Variants in INSIG2 observed in about 807,000 individuals in gnomAD.
The protein encoded by INSIG2 is insulin induced gene 2.
In INSIG2, 10 loss-of-function variants were observed where a neutral mutation model predicts 27.2. The observed-to-expected ratio is 0.37, with a 90% CI of 0.23 to 0.62. INSIG2 has a LOEUF of 0.62. Among genes scored for constraint, INSIG2 ranks in the 20% least tolerant of loss-of-function variants. INSIG2 has a pLI of 0.65. For missense variants in INSIG2, 178 were observed against 270.2 expected, an observed-to-expected ratio of 0.66 and a Z score of 2.39; for synonymous variants, 97 against 95.8, an observed-to-expected ratio of 1.01 and a Z score of -0.07.
At position 118,103,302 on chromosome 2, in the gene INSIG2, G is replaced by T; in HGVS notation, c.350G>T (p.Gly117Val). The T allele has an allele frequency of 6.2e-7, 1 of 1,612,906 alleles. No individual in the cohort carries two copies. Among genetic ancestry groups the T allele is most frequent in the South Asian group, 1.1e-5 (1 of 90,970 alleles). Reference protein sequence around the residue: ...SVMRCVAVFVGINHASAKVDF... With the variant: ...SVMRCVAVFVVINHASAKVDF... Reference sequence around the variant, plus strand: ...ATGCGGTGTGTAGCAGTCTTTGTTGGTATAAATCATGCCAGTGCTGTATCC... The same window carrying T: ...ATGCGGTGTGTAGCAGTCTTTGTTGTTATAAATCATGCCAGTGCTGTATCC... The change falls in exon 3 of 6, where the codon GGT (glycine) becomes GTT (valine). Residue 117 changes from glycine (G) to valine (V), a missense_variant. Transcript: ENST00000245787.
rs1359383421 is a variant in INSIG2, at chr2:118,109,205, A to G, written c.*883A>G. 6.6e-6 allele frequency: 1 copy of G among 152,220 alleles called. No homozygotes were observed. Among genetic ancestry groups the G allele is most frequent in the Non-Finnish European group, 1.5e-5 (1 of 68,036 alleles). 9.4% of individuals were successfully genotyped at this position (152,220 alleles called of 1,614,324 possible). On this transcript the variant is annotated 3_prime_UTR_variant, in exon 6 of 6. Transcript: ENST00000245787. Reference sequence around the variant, plus strand: ...ATCTCATTGCTTTTGCACATGGAGCATATAGGAAACTCCAAACAGATCACA... The same window carrying G: ...ATCTCATTGCTTTTGCACATGGAGCGTATAGGAAACTCCAAACAGATCACA...
chr2:118,105,833 G>C (rs997484489), intron 3 of INSIG2, among the ~76,000 whole-genome samples: 6 of 152,166 alleles, frequency 3.9e-5, no homozygotes, highest in Admixed American at 6.5e-5. Flanking sequence ...GCCTTCCCCA[G>C]TAGCTGGTTA....
chr2:118,108,599 A>G lies in INSIG2; in HGVS notation c.*277A>G, dbSNP rs1370904164. ...ATTAAAAAGTGTTGATTAATAGATGAAATTTTTAAATTAATTTTTTAAAAC... is the reference window on the plus strand; with the variant it reads ...ATTAAAAAGTGTTGATTAATAGATGGAATTTTTAAATTAATTTTTTAAAAC... On this transcript the variant is annotated 3_prime_UTR_variant, in exon 6 of 6. Coordinates refer to ENST00000245787, the MANE Select transcript of INSIG2 (RefSeq NM_016133.4). 2.0e-5 allele frequency: 5 copies of G among 251,686 alleles called. No individual in the cohort carries two copies. The highest frequency in any genetic ancestry group is 5.6e-5 in the Admixed American group (1 of 17,754). 15.6% of individuals were successfully genotyped at this position (251,686 alleles called of 1,614,324 possible). A position where few individuals can be genotyped will look rare whatever the true frequency, so the allele number is the denominator to read the frequency against.
intron 1 of INSIG2, among the ~76,000 whole-genome samples, chr2:118,092,666 A>G (rs1678283041): frequency 6.6e-6 from 1 of 152,206 alleles, no homozygotes; most frequent in South Asian, 2.1e-4. Flanking sequence ...CAAATTGCTG[A>G]ATCTCTTTGA....
At chr2:118,104,188 A>T (rs1277776986) in intron 3 of INSIG2, among the ~76,000 whole-genome samples, 15 of 152,154 alleles carry the variant, frequency 9.9e-5, no homozygotes, top group Admixed American at 9.2e-4. Context: ...GGCTGCCAAA[A>T]GTTTGCTCTT....
chr2:118,103,352 T>C (rs1434390377), intron 3 of INSIG2, 31 bp downstream of exon 3: 1 of 1,574,448 alleles, frequency 6.4e-7, no homozygotes, highest in Admixed American at 1.7e-5. Context: ...AAATGCATAA[T>C]AACAAAGTGG....
At chr2:118,097,374 T>C (rs1349929973) in intron 2 of INSIG2, among the ~76,000 whole-genome samples, 1 of 152,242 alleles carries the variant, frequency 6.6e-6, no homozygotes, top group Non-Finnish European at 1.5e-5. Flanking sequence ...TCTGAAGTAA[T>C]AAAAACTTGA....
intron 3 of INSIG2, among the ~76,000 whole-genome samples, 199 bp downstream of exon 3, chr2:118,103,520 G>A (rs557767823): frequency 7.9e-5 from 12 of 152,270 alleles, no homozygotes; most frequent in South Asian, 6.2e-4. Flanking sequence ...TCATTTCATT[G>A]TGTATTTTTC....
intron 4 of INSIG2, 75 bp downstream of exon 4, chr2:118,106,978 T>C: frequency 6.4e-7 from 1 of 1,558,382 alleles, no homozygotes; most frequent in Non-Finnish European, 8.8e-7. Context: ...GAATTGAGAT[T>C]ATGAAATGAG....
intron 2 of INSIG2, 97 bp from the exon 3 acceptor site, chr2:118,103,100 C>A (rs879156679): frequency 4.4e-4 from 331 of 755,876 alleles, no homozygotes; most frequent in Non-Finnish European, 4.8e-4. Context: ...TTTTAAGAAT[C>A]TTTAAAATGC....
intron 1 of INSIG2, among the ~76,000 whole-genome samples, chr2:118,092,807 A>G (rs1678286572): frequency 6.6e-6 from 1 of 151,978 alleles, no homozygotes; most frequent in Admixed American, 6.6e-5. Flanking sequence ...AATAATGATG[A>G]TGATGATGAG....
intron 5 of INSIG2, among the ~76,000 whole-genome samples, chr2:118,107,648 G>GAATC (rs1289230792): frequency 6.6e-6 from 1 of 152,196 alleles, no homozygotes; most frequent in Admixed American, 6.5e-5. Context: ...GCAGTTTTAT[G>GAATC]AATCAGTGCT....
Position 118,100,019 on chromosome 2 carries a change from T to C in INSIG2, c.245-3178T>C, listed in dbSNP as rs114577927. Among the ~76,000 whole-genome samples the C allele has an allele frequency of 3.2e-3, 486 of 152,316 alleles. 4 individuals carry two copies. The highest frequency in any genetic ancestry group is 0.011 in the African/African-American group (465 of 41,564). On this transcript the variant is annotated intron_variant, in intron 2 of 5. Transcript: ENST00000245787. Reference sequence around the variant, plus strand: ...TCTGCAGGGTAAAGTCTTTATAATATGGCCCTTGACTGCTTTTTTCTTCTT... The same window carrying C: ...TCTGCAGGGTAAAGTCTTTATAATACGGCCCTTGACTGCTTTTTTCTTCTT...
chr2:118,104,055 C>T (rs920368977), intron 3 of INSIG2, among the ~76,000 whole-genome samples: 5 of 152,126 alleles, frequency 3.3e-5, no homozygotes, highest in Non-Finnish European at 7.3e-5. Context: ...CTCATTTGCT[C>T]TGACTTTCCT....
At position 118,096,531 on chromosome 2, in the gene INSIG2, TAAC is replaced by T; in HGVS notation, c.-25_-23del. 1 of 1,567,734 alleles carries T rather than the reference TAAC, an allele frequency of 6.4e-7. No individual in the cohort carries two copies. Among genetic ancestry groups the T allele is most frequent in the Admixed American group, 2.0e-5 (1 of 49,900 alleles). On this transcript the variant is annotated 5_prime_UTR_variant, in exon 2 of 6. Coordinates refer to ENST00000245787, the MANE Select transcript of INSIG2 (RefSeq NM_016133.4). ...GGAAGCCTTTCCATTTTTTTTTTTT[TAAC>T]GGCTTTCTGAACCTATGAAACCATG...
At chr2:118,104,557 A>G (rs72952718) in intron 3 of INSIG2, among the ~76,000 whole-genome samples, 16,345 of 152,276 alleles carry the variant, frequency 0.11, 1,012 homozygotes, top group Admixed American at 0.13. Flanking sequence ...AGTTAAAATC[A>G]TATACTATTA....
chr2:118,103,366 C>T (rs1678596727), intron 3 of INSIG2, 45 bp downstream of exon 3: 13 of 1,555,048 alleles, frequency 8.4e-6, no homozygotes, highest in Admixed American at 1.8e-5. Flanking sequence ...AAAGTGGCTT[C>T]CAACAAACCA....
At chr2:118,100,428 G>A (rs1445055921) in intron 2 of INSIG2, among the ~76,000 whole-genome samples, 1 of 136,400 alleles carries the variant, frequency 7.3e-6, no homozygotes, top group Non-Finnish European at 1.5e-5. Flanking sequence ...ACCTGGGCTG[G>A]AGTGCAGTGG....
chr2:118,101,630 A>G (rs1451520360), intron 2 of INSIG2, among the ~76,000 whole-genome samples: 1 of 152,166 alleles, frequency 6.6e-6, no homozygotes, highest in Non-Finnish European at 1.5e-5. Flanking sequence ...TGAGAAAAAA[A>G]GAGGTGATAT....
Sources: allele counts gnomAD v4.1 joint callset (sites outside exome capture counted in the v4.1 genomes callset), GRCh38; gene constraint gnomAD v4.1.1; transcripts MANE v1.5; gene names NCBI Gene and HGNC (gene_info 2026-07-23, HGNC 2026-07-21).